RBFOX3: variants seen among roughly 807,000 people sequenced by gnomAD.
RBFOX3 encodes RNA binding fox-1 homolog 3, also known as RNA binding protein fox-1 homolog 3.
A neutral mutation model predicts 48.7 loss-of-function variants in RBFOX3; 17 were observed. The observed-to-expected ratio is 0.35, with a 90% CI of 0.24 to 0.52. The LOEUF is 0.52. Ranked by LOEUF, RBFOX3 falls within the 20% of genes least tolerant of loss-of-function variation. The pLI, the probability that RBFOX3 is intolerant of heterozygous loss-of-function variation, is 0.94. For synonymous variants in RBFOX3, 212 were observed against 209.5 expected (o/e 1.01, Z -0.10); for missense variants, 382 against 497.5 (o/e 0.77, Z 2.21).
chr17:79,516,833 G>A (rs1463576729), intron 1 of RBFOX3, among the ~76,000 whole-genome samples: 1 of 152,214 alleles, frequency 6.6e-6, no homozygotes, highest in African/African-American at 2.4e-5. Flanking sequence ...GACACACGCT[G>A]CAATATGGAT....
chr17:79,644,242 TC>T, the RBFOX3 span, among the ~76,000 whole-genome samples: 127 of 152,140 alleles, frequency 8.3e-4, 1 homozygote, highest in East Asian at 0.017. Context: ...ACTGGTGAAT[TC>T]TATCAAAACA....
chr17:79,647,016 A>T, the RBFOX3 span, among the ~76,000 whole-genome samples: 1 of 147,936 alleles, frequency 6.8e-6, no homozygotes, highest in Non-Finnish European at 1.5e-5. Context: ...GGCCAACCCC[A>T]CCTCTCCTCC....
At chr17:79,389,903 G>T (rs1451567152) in intron 2 of RBFOX3, among the ~76,000 whole-genome samples, 2 of 152,236 alleles carry the variant, frequency 1.3e-5, no homozygotes, top group African/African-American at 4.8e-5. Context: ...AAGCAGAGAG[G>T]GTTTCAGCTG....
rs560236321 is a variant in RBFOX3 at position 79,125,796 on chromosome 17, C to T, written c.-33-10048G>A. On this transcript the variant is annotated intron_variant, in intron 4 of 14. Transcript: ENST00000693108. The stretch of plus-strand genomic sequence containing the variant: ...TGAGGCTGGTGGCGAGGCTGGGCAC[C>T]GGGCCATTTCTCCAGCACCTCTGGG... Among the ~76,000 whole-genome samples, 6 of 152,324 alleles carry T rather than the reference C, an allele frequency of 3.9e-5. No individual in the cohort carries two copies. In the South Asian group the frequency reaches 8.3e-4, roughly 21 times the overall value.
intron 4 of RBFOX3, among the ~76,000 whole-genome samples, chr17:79,206,687 G>A (rs748252478): frequency 7.9e-5 from 12 of 152,168 alleles, no homozygotes; most frequent in Non-Finnish European, 1.5e-4. Flanking sequence ...CTGCTCAGCT[G>A]TCCCCTGGCA....
At position 79,512,728 on chromosome 17, in the gene RBFOX3, C is replaced by T. The variant is rs372178028; in HGVS notation, c.-319-30130G>A. 6.2e-4 allele frequency among the ~76,000 whole-genome samples: 39 copies of T among 63,164 alleles called. 1 individual carries two copies. The highest frequency in any genetic ancestry group is 4.0e-3 in the African/African-American group (35 of 8,848). The allele number at this position is 63,164 out of a possible 152,430, so 41.4% of individuals were successfully genotyped here. A position where few individuals can be genotyped will look rare whatever the true frequency, so the allele number is the denominator to read the frequency against. ...TGGCCAAGGGACACCCACCCGGATA[C>T]GTGTTACCATCGGGTACGGCCCCAT... On this transcript the variant is annotated intron_variant, in intron 1 of 14. Transcript: ENST00000693108.
At chr17:79,463,568 A>G (rs1248126879) in intron 2 of RBFOX3, among the ~76,000 whole-genome samples, 3 of 106,350 alleles carry the variant, frequency 2.8e-5, no homozygotes, top group Admixed American at 9.8e-5. Context: ...CACCTCCACC[A>G]CCATCGCCAC....
Position 79,590,639 on chromosome 17 carries a change from C to T in RBFOX3, c.-320+20187G>A, listed in dbSNP as rs1201796646. Among the ~76,000 whole-genome samples the T allele has an allele frequency of 3.3e-5, 5 of 152,250 alleles. No homozygotes were observed. The East Asian group carries it at 9.7e-4, about 29-fold the overall frequency. ...GCTGGGGCTCCTCCAGGAAAGGAGG[C>T]GGAAAATCCAGGATACCAATGAAGT... On this transcript the variant is annotated intron_variant, in intron 1 of 14. Transcript: ENST00000693108.
chr17:79,438,275 G>A (rs895753640), intron 2 of RBFOX3, among the ~76,000 whole-genome samples: 10 of 152,232 alleles, frequency 6.6e-5, no homozygotes, highest in African/African-American at 9.6e-5. Flanking sequence ...TAGGGGCACC[G>A]CTAGCGCTGG....
rs1555736346 is a variant in RBFOX3 at position 79,443,602 on chromosome 17, C to G, written c.-175+38852G>C. Among the ~76,000 whole-genome samples the G allele has an allele frequency of 6.6e-6, 1 of 152,140 alleles. No individual in the cohort carries two copies. On this transcript the variant is annotated intron_variant, in intron 2 of 14. Transcript: ENST00000693108. The surrounding 1 kb of genome is among the most constrained non-coding windows in gnomAD (Gnocchi z 4.4). ...TTCACCATGTTGGCCAGGCTGGCCA[C>G]AAACTCCTGACCTCAGGTGATCCAC...
chr17:79,434,068 G>A (rs782685196), intron 2 of RBFOX3, among the ~76,000 whole-genome samples: 57 of 152,162 alleles, frequency 3.7e-4, no homozygotes, highest in Non-Finnish European at 3.4e-4. Context: ...GGGCTCCAGC[G>A]CCCTTTTAAA....
chr17:79,138,406 C>A (rs1429294153), intron 4 of RBFOX3, among the ~76,000 whole-genome samples: 1 of 152,044 alleles, frequency 6.6e-6, no homozygotes, highest in Non-Finnish European at 1.5e-5. Flanking sequence ...CACTCTCATA[C>A]TGTGAACACT....
At chr17:79,552,268 T>C (rs1338021065) in intron 1 of RBFOX3, among the ~76,000 whole-genome samples, 2 of 152,188 alleles carry the variant, frequency 1.3e-5, no homozygotes, top group Non-Finnish European at 2.9e-5. Context: ...TAGGCCTGTA[T>C]GCTATGGAAA....
chr17:79,611,193 C>G (rs1224869899), upstream of RBFOX3, among the ~76,000 whole-genome samples: 1 of 129,902 alleles, frequency 7.7e-6, no homozygotes, highest in Non-Finnish European at 1.6e-5. Context: ...TTCTCTCTCT[C>G]TCTCTCTCTC....
At chr17:79,202,611 C>G (rs559949035) in intron 4 of RBFOX3, among the ~76,000 whole-genome samples, 1 of 152,346 alleles carries the variant, frequency 6.6e-6, no homozygotes, top group Admixed American at 6.5e-5. Context: ...TGCCCCAGAT[C>G]GCCTGGCTTG....
In RBFOX3 at chr17:79,296,289, GACACACACACACACACCACACACACACAC is replaced by G. The variant is rs991221941; in HGVS notation, c.-74+11406_-74+11434del. On this transcript the variant is annotated intron_variant, in intron 3 of 14. Coordinates refer to ENST00000693108, the MANE Select transcript of RBFOX3 (RefSeq NM_001350451.2). ...CCCACCCCGCAAAAAGGCACAAACA[GACACACACACACACACCACACACACACAC>G]ACACACACACAAAATCTGATTTTGA... 1.8e-3 allele frequency among the ~76,000 whole-genome samples: 267 copies of G among 146,462 alleles called. 3 individuals are homozygous for G. The highest frequency in any genetic ancestry group is 6.7e-3 in the African/African-American group (259 of 38,704).
intron 4 of RBFOX3, among the ~76,000 whole-genome samples, chr17:79,179,728 C>T (rs1416691683): frequency 6.6e-6 from 1 of 152,210 alleles, no homozygotes; most frequent in East Asian, 1.9e-4. Flanking sequence ...ACTTGGTCCA[C>T]TGGATCCCAG....
intron 5 of RBFOX3, among the ~76,000 whole-genome samples, chr17:79,110,552 G>A (rs952502809): frequency 4.6e-5 from 7 of 152,220 alleles, no homozygotes; most frequent in African/African-American, 9.7e-5. Context: ...CCTCGACAGC[G>A]CCGTCTCCCT....
At chr17:79,478,552 G>A (rs1002367672) in intron 2 of RBFOX3, among the ~76,000 whole-genome samples, 1 of 152,226 alleles carries the variant, frequency 6.6e-6, no homozygotes, top group Non-Finnish European at 1.5e-5. Context: ...AACATCTAGA[G>A]AAGAGACAAC....
Sources: allele counts gnomAD v4.1 joint callset (sites outside exome capture counted in the v4.1 genomes callset), GRCh38; gene constraint gnomAD v4.1.1; non-coding constraint Gnocchi (gnomAD v3.1); transcripts MANE v1.5; gene names NCBI Gene and HGNC (gene_info 2026-07-23, HGNC 2026-07-21).